The following NSD2 variants were observed in gnomAD, a reference collection of about 807,000 sequenced individuals.
NSD2 encodes the protein nuclear receptor binding SET domain protein 2.
In NSD2, 12 loss-of-function variants were observed where a neutral mutation model predicts 139.0. The ratio of observed to expected loss-of-function variants is 0.09; its 90% CI spans 0.06 to 0.14. The LOEUF is 0.14. NSD2 is among the 10% of genes least tolerant of loss of function. The probability of loss-of-function intolerance (pLI) is 1.00; values close to 1 mark genes in which losing one functional copy is unlikely to be tolerated. For synonymous variants in NSD2, 669 were observed against 648.7 expected (o/e 1.03, Z -0.48); for missense variants, 1,155 against 1,745.0 (o/e 0.66, Z 6.02).
At chr4:1,924,722 G>A (rs1720621666) in intron 5 of NSD2, among the ~76,000 whole-genome samples, 1 of 151,132 alleles carries the variant, frequency 6.6e-6, no homozygotes, top group African/African-American at 2.4e-5. Context: ...AACAGCCTGG[G>A]CAACACAGTG....
intron 21 of NSD2, among the ~76,000 whole-genome samples, chr4:1,977,162 T>C (rs950359290): frequency 1.3e-5 from 2 of 152,260 alleles, no homozygotes; most frequent in Non-Finnish European, 2.9e-5. Context: ...GAGATGGTGC[T>C]GTGCACCAGG....
At position 1,872,802 on chromosome 4, in the gene NSD2, T is replaced by A. The variant is rs1713970648; in HGVS notation, c.-30+1260T>A. Among the ~76,000 whole-genome samples, 3 of 152,304 alleles carry A rather than the reference T, an allele frequency of 2.0e-5. No homozygotes were observed. In the South Asian group the frequency reaches 6.2e-4, roughly 32 times the overall value. On this transcript the variant is annotated intron_variant, in intron 1 of 21. Transcript: ENST00000508803. ...TTATATTCACTCTATTTTGTGTATTTCAAATATCAACGTGGAAAATAACTT... is the reference window on the plus strand; with the variant it reads ...TTATATTCACTCTATTTTGTGTATTACAAATATCAACGTGGAAAATAACTT...
In NSD2 at chr4:1,982,147, G is replaced by A. The variant is rs1226712962; in HGVS notation, c.*3238G>A. ...GCATTTAAAATGGAAAGCTGTGTTT[G>A]GAAAATTGTGTATGAGTATTTTTGT... is the stretch of plus-strand genomic sequence containing the variant. On this transcript the variant is annotated 3_prime_UTR_variant, in exon 22 of 22. Transcript: ENST00000508803. 2.5e-6 allele frequency: 1 copy of A among 392,718 alleles called. No individual in the cohort carries two copies. Among genetic ancestry groups the A allele is most frequent in the Non-Finnish European group, 4.5e-6 (1 of 223,088 alleles). The allele number at this position is 392,718 out of a possible 1,614,324, so 24.3% of individuals were successfully genotyped here. A position where few individuals can be genotyped will look rare whatever the true frequency, so the allele number is the denominator to read the frequency against.
intron 5 of NSD2, among the ~76,000 whole-genome samples, chr4:1,928,214 T>A (rs984683337): frequency 6.6e-6 from 1 of 152,182 alleles, no homozygotes; most frequent in African/African-American, 2.4e-5. Context: ...TTTTTTGATA[T>A]GTTAAGAATA....
rs139111116 is a variant in NSD2, at chr4:1,938,412, C to T, written c.1675-39C>T. 0.056 allele frequency: 35,616 copies of T among 634,406 alleles called. 357 individuals carry two copies. The highest frequency in any genetic ancestry group is 0.17 in the South Asian group (4,642 of 27,844). The allele number at this position is 634,406 out of a possible 1,614,324, so 39.3% of individuals were successfully genotyped here. A position where few individuals can be genotyped will look rare whatever the true frequency, so the allele number is the denominator to read the frequency against. On this transcript the variant is annotated intron_variant, in intron 7 of 21. Transcript: ENST00000508803. ...CCTTTTTTTCTTTTCTTTTTTTTTT[C>T]TTTCTTTTTTTTTTTTTTTTTTTTT...
rs201587740 is a variant in NSD2 at position 1,893,343 on chromosome 4, G to A, written c.-29-7283G>A. ...AAATGAGCCAGGCGTGGTGATGCAT[G>A]CCTGTAGTCTCAGCTACTCGGGAGG... On this transcript the variant is annotated intron_variant, in intron 1 of 21. Coordinates refer to ENST00000508803, the MANE Select transcript of NSD2 (RefSeq NM_001042424.3). Among the ~76,000 whole-genome samples the A allele has an allele frequency of 2.5e-4, 38 of 152,242 alleles. No homozygotes were observed. In the South Asian group the frequency reaches 4.3e-3, roughly 17 times the overall value.
intron 1 of NSD2, among the ~76,000 whole-genome samples, chr4:1,879,569 G>C (rs962575413): frequency 6.6e-6 from 1 of 151,878 alleles, no homozygotes; most frequent in African/African-American, 2.4e-5. Flanking sequence ...TGTGACTCTG[G>C]CCAGTGATCC....
intron 8 of NSD2, among the ~76,000 whole-genome samples, chr4:1,938,991 CA>C (rs1167412718): frequency 1.3e-5 from 2 of 151,826 alleles, no homozygotes; most frequent in African/African-American, 2.4e-5. Context: ...AAATAATTGT[CA>C]AAAAAATAAG....
At chr4:1,919,824 T>C (rs1207214549) in intron 5 of NSD2, among the ~76,000 whole-genome samples, 1 of 152,060 alleles carries the variant, frequency 6.6e-6, no homozygotes, top group Non-Finnish European at 1.5e-5. Context: ...TAATCCCAGC[T>C]TCTCAGGAGG....
chr4:1,872,591 T>TGTGTGTGTGTGTGA (rs1281608141), intron 1 of NSD2, among the ~76,000 whole-genome samples: 1 of 44,838 alleles, frequency 2.2e-5, no homozygotes, highest in East Asian at 1.3e-3. Flanking sequence ...TGTGTGTGTG[T>TGTGTGTGTGTGTGA]GAGAGAGAGA....
rs761754548 is a variant in NSD2 at position 1,976,256 on chromosome 4, G to C, written c.3622-219G>C. 2.2e-4 allele frequency: 125 copies of C among 575,010 alleles called. No homozygotes were observed. Among genetic ancestry groups the C allele is most frequent in the Non-Finnish European group, 3.7e-4 (120 of 322,796 alleles). The allele number at this position is 575,010 out of a possible 1,614,324, so 35.6% of individuals were successfully genotyped here. ...TGCGTCATTGCAGGCTTCCGACAAA[G>C]CTCACTCTAGTCGTAGTCTTTGTTC... is the stretch of plus-strand genomic sequence containing the variant. On this transcript the variant is annotated intron_variant, in intron 20 of 21. Coordinates refer to ENST00000508803, the MANE Select transcript of NSD2 (RefSeq NM_001042424.3). The surrounding 1 kb of genome is among the most constrained non-coding windows in gnomAD (Gnocchi z 5.3).
chr4:1,879,726 G>C (rs1169877327), intron 1 of NSD2, among the ~76,000 whole-genome samples: 1 of 151,788 alleles, frequency 6.6e-6, no homozygotes, highest in African/African-American at 2.4e-5. Flanking sequence ...GCCTAATTTT[G>C]TGTTGCTGTG....
intron 5 of NSD2, among the ~76,000 whole-genome samples, chr4:1,925,661 A>C (rs1224219984): frequency 6.6e-6 from 1 of 151,476 alleles, no homozygotes; most frequent in East Asian, 1.9e-4. Flanking sequence ...GGCCTCCCAA[A>C]GTCCTGGGAT....
intron 9 of NSD2, among the ~76,000 whole-genome samples, chr4:1,949,266 CAG>C (rs1723959764): frequency 6.6e-6 from 1 of 152,224 alleles, no homozygotes; most frequent in Admixed American, 6.5e-5. Context: ...CTCACAGTGA[CAG>C]AGCCTTAAAG....
intron 18 of NSD2, among the ~76,000 whole-genome samples, chr4:1,964,189 T>A (rs1478051998): frequency 4.6e-5 from 7 of 152,158 alleles, no homozygotes; most frequent in Non-Finnish European, 4.4e-5. Flanking sequence ...AATAGAGCTT[T>A]AGACGCCACA....
chr4:1,961,425 G>A (rs183364620), intron 18 of NSD2, among the ~76,000 whole-genome samples: 4 of 152,210 alleles, frequency 2.6e-5, no homozygotes, highest in Non-Finnish European at 5.9e-5. Context: ...GTACAGGGCA[G>A]GGAAGTAGAG....
In NSD2 at chr4:1,976,224, G is replaced by A. The variant is rs892346114; in HGVS notation, c.3622-251G>A. 5 of 511,380 alleles carry A rather than the reference G, an allele frequency of 9.8e-6. No homozygotes were observed. Among genetic ancestry groups the A allele is most frequent in the Admixed American group, 6.7e-5 (2 of 29,778 alleles). 31.7% of individuals were successfully genotyped at this position (511,380 alleles called of 1,614,324 possible). ...GGAGCTGTGTGTCTGCTGAGATGCT[G>A]CTGAGATGCGTCATTGCAGGCTTCC... On this transcript the variant is annotated intron_variant, in intron 20 of 21. Transcript: ENST00000508803. The surrounding 1 kb of genome is among the most constrained non-coding windows in gnomAD (Gnocchi z 5.3).
chr4:1,879,954 T>A (rs1714582742), intron 1 of NSD2, among the ~76,000 whole-genome samples: 2 of 152,100 alleles, frequency 1.3e-5, no homozygotes, highest in South Asian at 4.1e-4. Context: ...TTCTCCAGGT[T>A]GTGAATTTTT....
intron 1 of NSD2, 94 bp from the exon 2 acceptor site, chr4:1,900,532 A>T: frequency 2.7e-6 from 2 of 732,398 alleles, no homozygotes; most frequent in Middle Eastern, 5.7e-4. Flanking sequence ...AAAGAAAATC[A>T]GACCCCACAA....
Sources: allele counts gnomAD v4.1 joint callset (sites outside exome capture counted in the v4.1 genomes callset), GRCh38; gene constraint gnomAD v4.1.1; non-coding constraint Gnocchi (gnomAD v3.1); transcripts MANE v1.5; gene names NCBI Gene and HGNC (gene_info 2026-07-23, HGNC 2026-07-21).